SNTB1: variants seen among roughly 807,000 people sequenced by gnomAD.
SNTB1 encodes the protein beta-1-syntrophin.
A neutral mutation model predicts 48.9 loss-of-function variants in SNTB1; 36 were observed. That is an observed-to-expected ratio of 0.74 (90% CI 0.56 to 0.97). The LOEUF (loss-of-function observed/expected upper bound fraction) is 0.97. Ranked by LOEUF, SNTB1 falls within the 50% of genes least tolerant of loss-of-function variation. The pLI, the probability that SNTB1 is intolerant of heterozygous loss-of-function variation, is 0.00. For synonymous variants in SNTB1, 299 were observed against 294.6 expected, an observed-to-expected ratio of 1.01 and a Z score of -0.15; for missense variants, 786 against 703.4, an observed-to-expected ratio of 1.12 and a Z score of -1.33.
At chr8:120,766,408 G>T (rs1296079652) in intron 1 of SNTB1, among the ~76,000 whole-genome samples, 1 of 152,048 alleles carries the variant, frequency 6.6e-6, no homozygotes, top group Non-Finnish European at 1.5e-5. Context: ...TGCCCCAAGT[G>T]GTTTATAGCA....
chr8:120,558,910 A>G (rs1263554359), intron 4 of SNTB1, among the ~76,000 whole-genome samples: 1 of 152,212 alleles, frequency 6.6e-6, no homozygotes, highest in Non-Finnish European at 1.5e-5. Flanking sequence ...TCCCTGCTGT[A>G]TTCCTAGCAC....
chr8:120,797,907 C>T (rs12679182), intron 1 of SNTB1, among the ~76,000 whole-genome samples: 29,437 of 151,848 alleles, frequency 0.19, 3,149 homozygotes, highest in Middle Eastern at 0.26. Context: ...CTTTATTCCA[C>T]GCCTAGCTTT....
At chr8:120,631,607 G>C (rs979292597) in intron 3 of SNTB1, among the ~76,000 whole-genome samples, 9 of 152,142 alleles carry the variant, frequency 5.9e-5, no homozygotes, top group African/African-American at 2.2e-4. Context: ...GTGTTCCTGA[G>C]CACTCCAGGT....
chr8:120,793,477 A>T (rs1021447775), intron 1 of SNTB1, among the ~76,000 whole-genome samples: 1 of 152,082 alleles, frequency 6.6e-6, no homozygotes, highest in African/African-American at 2.4e-5. Flanking sequence ...GCAAGTTGAG[A>T]TGTAAGAGAG....
rs186523863 is a variant in SNTB1, at chr8:120,587,415, T to C, written c.997-12190A>G. ...TCCTCTGGCCCCAACCCACTACCCA[T>C]TCCCCACTCCTTTACTAATTCCTTC... On this transcript the variant is annotated intron_variant, in intron 3 of 6. Transcript: ENST00000517992. Among the ~76,000 whole-genome samples, 642 of 152,274 alleles carry C rather than the reference T, an allele frequency of 4.2e-3. 3 individuals carry two copies. Among genetic ancestry groups the C allele is most frequent in the Non-Finnish European group, 3.5e-3 (240 of 68,008 alleles).
chr8:120,658,175 A>G (rs981437675), intron 2 of SNTB1, among the ~76,000 whole-genome samples: 1 of 152,224 alleles, frequency 6.6e-6, no homozygotes, highest in Non-Finnish European at 1.5e-5. Context: ...ATATAAATAA[A>G]GATGTGTTAC....
At chr8:120,545,688 T>A (rs1351506220) in intron 5 of SNTB1, among the ~76,000 whole-genome samples, 1 of 152,234 alleles carries the variant, frequency 6.6e-6, no homozygotes, top group East Asian at 1.9e-4. Flanking sequence ...ATGTTCTAGA[T>A]CTGTACTGTC....
chr8:120,657,040 G>A lies in SNTB1; in HGVS notation c.789-24389C>T, dbSNP rs141727586. 6.6e-5 allele frequency among the ~76,000 whole-genome samples: 10 copies of A among 152,306 alleles called. No homozygotes were observed. The East Asian group carries it at 1.7e-3, about 26-fold the overall frequency. On this transcript the variant is annotated intron_variant, in intron 2 of 6. Coordinates refer to ENST00000517992, the MANE Select transcript of SNTB1 (RefSeq NM_021021.4). ...ACTGAAAATGATTCAGAGTTGGAAA[G>A]AAACATTGTGAGTTTGGTTAAATAT...
At chr8:120,731,761 G>T (rs140655769) in intron 1 of SNTB1, among the ~76,000 whole-genome samples, 2 of 152,180 alleles carry the variant, frequency 1.3e-5, no homozygotes, top group Non-Finnish European at 2.9e-5. Flanking sequence ...GATGTCTACG[G>T]CAGAACTCGT....
At chr8:120,796,160 C>T (rs917050448) in intron 1 of SNTB1, among the ~76,000 whole-genome samples, 1 of 151,990 alleles carries the variant, frequency 6.6e-6, no homozygotes. Context: ...AGCTCTCTCT[C>T]CTGCCACCGT....
In SNTB1 at chr8:120,811,838, C is replaced by T. The variant is rs1451496267; in HGVS notation, c.6G>A (p.Ala2=). 3.0e-6 allele frequency: 4 copies of T among 1,346,386 alleles called. No individual in the cohort carries two copies. The highest frequency in any genetic ancestry group is 4.1e-5 in the Admixed American group (1 of 24,228). 83.4% of individuals were successfully genotyped at this position (1,346,386 alleles called of 1,614,324 possible). ...CAGCCGCCGCCGCCGCCGCCGCTAC[C>T]GCCATCTTTCCGGCATTCTTAAAAT... M[A]VAAAAAAAGP... The change falls in exon 1 of 7, where the codon GCG becomes GCA. Residue 2 remains alanine, a synonymous_variant. Transcript: ENST00000517992.
At chr8:120,689,348 G>A (rs1818087603) in intron 2 of SNTB1, among the ~76,000 whole-genome samples, 1 of 152,184 alleles carries the variant, frequency 6.6e-6, no homozygotes, top group Non-Finnish European at 1.5e-5. Context: ...GAGCTGCTCT[G>A]CTAGGTGCTG....
Position 120,811,794 on chromosome 8 carries a change from C to T in SNTB1, c.50G>A (p.Gly17Asp). 2 of 1,430,676 alleles carry T rather than the reference C, an allele frequency of 1.4e-6. No individual in the cohort carries two copies. 88.6% of individuals were successfully genotyped at this position (1,430,676 alleles called of 1,614,324 possible). A position where few individuals can be genotyped will look rare whatever the true frequency, so the allele number is the denominator to read the frequency against. Reference protein sequence around the residue: ...AAAAGPAGAGGGRAQRSGLLE... With the variant: ...AAAAGPAGAGDGRAQRSGLLE... ...CAGCCCGCTCCGCTGCGCCCGGCCG[C>T]CTCCCGCGCCAGCCGGCCCAGCCGC... The change falls in exon 1 of 7, where the codon GGC becomes GAC. Residue 17 changes from glycine (G) to aspartate (D), a missense_variant. Gly to Asp is a moderately conservative substitution (Grantham distance 94). Coordinates refer to ENST00000517992, the MANE Select transcript of SNTB1 (RefSeq NM_021021.4).
At chr8:120,807,030 G>C (rs1820346456) in intron 1 of SNTB1, among the ~76,000 whole-genome samples, 1 of 152,146 alleles carries the variant, frequency 6.6e-6, no homozygotes, top group Non-Finnish European at 1.5e-5. Context: ...CTAACGGACA[G>C]GGTTAATGTC....
chr8:120,791,291 A>G lies in SNTB1; in HGVS notation c.571+19982T>C, dbSNP rs12679271. ...ATCCTATTTCTCACCATATACAAAA[A>G]TTAACTCAAGATGGATCAAAGACTT... On this transcript the variant is annotated intron_variant, in intron 1 of 6. Coordinates refer to ENST00000517992, the MANE Select transcript of SNTB1 (RefSeq NM_021021.4). Among the ~76,000 whole-genome samples, 3 of 152,182 alleles carry G rather than the reference A, an allele frequency of 2.0e-5. No individual in the cohort carries two copies. In the East Asian group the frequency reaches 5.8e-4, roughly 29 times the overall value.
intron 1 of SNTB1, among the ~76,000 whole-genome samples, chr8:120,757,714 G>A (rs1342288852): frequency 6.6e-6 from 1 of 152,146 alleles, no homozygotes; most frequent in Non-Finnish European, 1.5e-5. Flanking sequence ...TAATGTTCTA[G>A]TGAGGGTATC....
chr8:120,778,314 A>C (rs1819771970), intron 1 of SNTB1, among the ~76,000 whole-genome samples: 1 of 152,186 alleles, frequency 6.6e-6, no homozygotes, highest in Admixed American at 6.5e-5. Context: ...TACTACCCCC[A>C]CAAAATGATA....
At chr8:120,795,111 C>G (rs892439315) in intron 1 of SNTB1, among the ~76,000 whole-genome samples, 1 of 151,876 alleles carries the variant, frequency 6.6e-6, no homozygotes, top group African/African-American at 2.4e-5. Flanking sequence ...TTGGGAAATA[C>G]TTATACATTT....
chr8:120,674,672 C>T lies in SNTB1; in HGVS notation c.788+19020G>A, dbSNP rs143360138. 9.5e-3 allele frequency among the ~76,000 whole-genome samples: 1,439 copies of T among 152,172 alleles called. 8 individuals carry two copies. Among genetic ancestry groups the T allele is most frequent in the Non-Finnish European group, 0.015 (1,030 of 68,016 alleles). ...TGAAATGCTTTAACACATATTGCCT[C>T]ATTGGACTTTCACACCAATGCTGTA... On this transcript the variant is annotated intron_variant, in intron 2 of 6. Coordinates refer to ENST00000517992, the MANE Select transcript of SNTB1 (RefSeq NM_021021.4).
Sources: gnomAD v4.1 joint callset for allele counts (sites outside exome capture counted in the v4.1 genomes callset) on GRCh38, gnomAD v4.1.1 for gene constraint, MANE v1.5 for transcripts, NCBI Gene and HGNC (gene_info 2026-07-23, HGNC 2026-07-21) for gene names.